Variants in USP45 observed in about 807,000 individuals in gnomAD.
USP45 encodes the protein ubiquitin carboxyl-terminal hydrolase 45.
USP45 carries 89 observed loss-of-function variants against 95.8 expected under a neutral mutation model. The ratio of observed to expected loss-of-function variants is 0.93; its 90% CI spans 0.78 to 1.11. The LOEUF (loss-of-function observed/expected upper bound fraction) is 1.11, where lower values mean the gene tolerates loss of function less well. Ranked by LOEUF, USP45 falls within the 50% of genes least tolerant of loss-of-function variation. USP45 has a pLI of 0.00. For synonymous variants in USP45, 281 were observed against 316.2 expected (o/e 0.89, Z 1.18); for missense variants, 898 against 942.5 (o/e 0.95, Z 0.62).
chr6:99,441,555 A>G (rs982930660), intron 15 of USP45, among the ~76,000 whole-genome samples: 11 of 152,066 alleles, frequency 7.2e-5, no homozygotes, highest in Admixed American at 7.2e-4. Flanking sequence ...AAATTACTCA[A>G]TGTTCTTCAT....
chr6:99,474,821 G>C (rs78678042), intron 9 of USP45, among the ~76,000 whole-genome samples: 1 of 152,254 alleles, frequency 6.6e-6, no homozygotes, highest in East Asian at 1.9e-4. Context: ...TTAATATCTT[G>C]CATTTTCTCT....
At chr6:99,474,354 C>T (rs1336455047) in intron 9 of USP45, among the ~76,000 whole-genome samples, 1 of 152,118 alleles carries the variant, frequency 6.6e-6, no homozygotes, top group Non-Finnish European at 1.5e-5. Flanking sequence ...TGCACCACCA[C>T]GCCTGGCTAA....
At chr6:99,505,951 G>A (rs186124021) in intron 4 of USP45, among the ~76,000 whole-genome samples, 1 of 152,242 alleles carries the variant, frequency 6.6e-6, no homozygotes, top group Non-Finnish European at 1.5e-5. Flanking sequence ...TGGCACCATT[G>A]CTGTCTCCAT....
chr6:99,494,102 G>A (rs1260875701), intron 5 of USP45, among the ~76,000 whole-genome samples: 1 of 152,044 alleles, frequency 6.6e-6, no homozygotes, highest in Non-Finnish European at 1.5e-5. Flanking sequence ...AAAAAAAGTG[G>A]TCTGCATAGT....
At chr6:99,494,818 C>T (rs541419769) in intron 5 of USP45, among the ~76,000 whole-genome samples, 3 of 152,182 alleles carry the variant, frequency 2.0e-5, no homozygotes, top group South Asian at 4.1e-4. Context: ...CGTTTGAACC[C>T]GGGAGGCAGA....
chr6:99,464,663 T>C lies in USP45; in HGVS notation c.1249A>G (p.Thr417Ala), dbSNP rs543402565. Residue 417 changes from threonine to alanine, a missense_variant, in exon 13 of 18, where the codon ACT (threonine) becomes GCT (alanine). Thr to Ala is a moderately conservative substitution (Grantham distance 58). Coordinates refer to ENST00000500704, the MANE Select transcript of USP45 (RefSeq NM_001346022.3). Reference sequence around the variant, plus strand: ...CTAGGTTGATGAATATTTTCTATAGTAACATTGCCACTGTATCGATCATGA... The same window carrying C: ...CTAGGTTGATGAATATTTTCTATAGCAACATTGCCACTGTATCGATCATGA... ...TDHDRYSGNV[T>A]IENIHQPRAA... The C allele has an allele frequency of 9.9e-6, 16 of 1,613,338 alleles. No homozygotes were observed. The highest frequency in any genetic ancestry group is 1.2e-5 in the Non-Finnish European group (14 of 1,179,808).
At chr6:99,461,086 A>C (rs1444025000) in intron 13 of USP45, 6 of 984,976 alleles carry the variant, frequency 6.1e-6, no homozygotes, top group East Asian at 1.1e-4. Context: ...TTCTGGCAGA[A>C]GTATTAAGGT....
intron 15 of USP45, 99 bp from the exon 16 acceptor site, chr6:99,439,954 TC>T (rs1781221114): frequency 3.6e-6 from 3 of 836,858 alleles, no homozygotes; most frequent in Non-Finnish European, 5.4e-6. Flanking sequence ...CTTAGTTTTT[TC>T]ATAGATAAAA....
At chr6:99,466,322 G>A (rs974104489) in intron 11 of USP45, among the ~76,000 whole-genome samples, 5 of 151,996 alleles carry the variant, frequency 3.3e-5, no homozygotes. Context: ...ACCCAGCCTG[G>A]AATTACATTT....
chr6:99,509,857 T>G (rs775046209), intron 2 of USP45, among the ~76,000 whole-genome samples: 3 of 152,124 alleles, frequency 2.0e-5, no homozygotes, highest in Middle Eastern at 3.2e-3. Context: ...GGTGGGGTAG[T>G]TGGTTCTAGG....
intron 13 of USP45, among the ~76,000 whole-genome samples, chr6:99,451,368 C>A (rs1320170084): frequency 6.6e-6 from 1 of 152,156 alleles, no homozygotes; most frequent in African/African-American, 2.4e-5. Flanking sequence ...GCAAAAATCA[C>A]AAGCATTCTT....
intron 5 of USP45, among the ~76,000 whole-genome samples, chr6:99,493,113 G>A (rs1378032461): frequency 2.0e-5 from 3 of 151,214 alleles, no homozygotes; most frequent in East Asian, 2.0e-4. Flanking sequence ...TGCAACCTCC[G>A]CTCCCTGGGT....
At chr6:99,439,968 T>C in intron 15 of USP45, 113 bp from the exon 16 acceptor site, 1 of 659,944 alleles carries the variant, frequency 1.5e-6, no homozygotes, top group Non-Finnish European at 2.5e-6. Flanking sequence ...AGATAAAAAA[T>C]GTGACTAATG....
chr6:99,515,738 T>G (rs1024912007), upstream of USP45, among the ~76,000 whole-genome samples: 1 of 149,368 alleles, frequency 6.7e-6, no homozygotes, highest in Non-Finnish European at 1.5e-5. Flanking sequence ...TGAAACAGCC[T>G]CCGATTTCCC....
chr6:99,457,765 C>A (rs1238834581), intron 13 of USP45, among the ~76,000 whole-genome samples: 1 of 152,044 alleles, frequency 6.6e-6, no homozygotes, highest in African/African-American at 2.4e-5. Context: ...GATACATATC[C>A]GAGGCATTAC....
chr6:99,454,085 C>A (rs1784489650), intron 13 of USP45, among the ~76,000 whole-genome samples: 1 of 152,156 alleles, frequency 6.6e-6, no homozygotes, highest in South Asian at 2.1e-4. Flanking sequence ...TACAAGACTA[C>A]AGTAACCAAA....
At chr6:99,517,772 A>T (rs1801197124), upstream of USP45, among the ~76,000 whole-genome samples, 2 of 151,678 alleles carry the variant, frequency 1.3e-5, no homozygotes, top group Admixed American at 1.3e-4. Context: ...ATTGAACCAG[A>T]TATCAAGTAT....
At chr6:99,461,350 G>A (rs560448898) in intron 13 of USP45, 3 of 985,334 alleles carry the variant, frequency 3.0e-6, no homozygotes, top group Non-Finnish European at 3.6e-6. Context: ...TCTTTTGGTA[G>A]CCATTTGTTG....
chr6:99,514,759 G>C (rs746652562), intron 1 of USP45: 12 of 152,288 alleles, frequency 7.9e-5, no homozygotes, highest in Admixed American at 5.9e-4. Flanking sequence ...TATATACCAA[G>C]CTCAAAAAGA....
Sources: allele counts gnomAD v4.1 joint callset (sites outside exome capture counted in the v4.1 genomes callset), GRCh38; gene constraint gnomAD v4.1.1; transcripts MANE v1.5; gene names NCBI Gene and HGNC (gene_info 2026-07-23, HGNC 2026-07-21).